The following GPNMB variants were observed in gnomAD, a reference collection of about 807,000 sequenced individuals.
GPNMB encodes the protein glycoprotein nmb.
In GPNMB, 71 loss-of-function variants were observed where a neutral mutation model predicts 57.3. The observed-to-expected ratio is 1.24, with a 90% CI of 1.02 to 1.51. The LOEUF is 1.51. GPNMB is among the 40% of genes most tolerant of loss of function. The pLI is 0.00. For missense variants in GPNMB, 677 were observed against 691.9 expected, an observed-to-expected ratio of 0.98 and a Z score of 0.24; for synonymous variants, 253 against 263.2, an observed-to-expected ratio of 0.96 and a Z score of 0.38.
chr7:23,251,133 A>G (rs997889183), intron 1 of GPNMB, among the ~76,000 whole-genome samples: 1 of 152,224 alleles, frequency 6.6e-6, no homozygotes, highest in Admixed American at 6.5e-5. Flanking sequence ...AACAGAACCA[A>G]GGCTAGAAAA....
At chr7:23,270,291 T>C (rs576108826) in intron 9 of GPNMB, 116 bp downstream of exon 9, 5 of 658,186 alleles carry the variant, frequency 7.6e-6, no homozygotes, top group Admixed American at 5.9e-5. Context: ...AGTACAAAAT[T>C]CATTGAACTC....
chr7:23,247,848 T>C (rs1782569560), intron 1 of GPNMB: 1 of 152,188 alleles, frequency 6.6e-6, no homozygotes, highest in Non-Finnish European at 1.5e-5. Flanking sequence ...GCTGACCCGG[T>C]GTCAGCGCGC....
At chr7:23,253,968 A>T (rs1782718032) in intron 2 of GPNMB, among the ~76,000 whole-genome samples, 2 of 152,202 alleles carry the variant, frequency 1.3e-5, no homozygotes, top group South Asian at 4.1e-4. Context: ...GAGAATTCTT[A>T]ACTGGTCTGA....
rs759191333 is a variant in GPNMB, at chr7:23,254,162, A to G, written c.224-7A>G. On this transcript the variant is annotated splice_region_variant and splice_polypyrimidine_tract_variant and intron_variant, in intron 2 of 10. Coordinates refer to ENST00000258733, the MANE Select transcript of GPNMB (RefSeq NM_002510.3). ...GGATCATCGAGCCCCACTTTTTTATACCCTAGGAGGCCGTGTGCAGGCGGT... is the reference window on the plus strand; with the variant it reads ...GGATCATCGAGCCCCACTTTTTTATGCCCTAGGAGGCCGTGTGCAGGCGGT... The G allele has an allele frequency of 2.5e-6, 4 of 1,593,546 alleles. No homozygotes were observed. Among genetic ancestry groups the G allele is most frequent in the African/African-American group, 2.7e-5 (2 of 73,804 alleles).
chr7:23,260,223 C>A, intron 5 of GPNMB, 85 bp downstream of exon 5: 2 of 1,429,598 alleles, frequency 1.4e-6, no homozygotes, highest in Non-Finnish European at 9.8e-7. Context: ...GCCAAGTGTT[C>A]GGGGTTAGGT....
intron 1 of GPNMB, chr7:23,250,793 T>G (rs892708323): frequency 6.6e-6 from 1 of 152,202 alleles, no homozygotes; most frequent in Admixed American, 6.5e-5. Flanking sequence ...TCTGGAACAG[T>G]GGAAAGAACT....
At chr7:23,261,206 C>T (rs1458143205) in intron 6 of GPNMB, among the ~76,000 whole-genome samples, 2 of 152,194 alleles carry the variant, frequency 1.3e-5, no homozygotes, top group African/African-American at 4.8e-5. Flanking sequence ...CACACCTACC[C>T]AGTGTCCATG....
At chr7:23,267,070 C>G (rs904738648) in intron 7 of GPNMB, among the ~76,000 whole-genome samples, 1 of 152,234 alleles carries the variant, frequency 6.6e-6, no homozygotes, top group African/African-American at 2.4e-5. Context: ...ACAGAGAAGA[C>G]AGAGGGGAAC....
Position 23,274,088 on chromosome 7 carries a change from T to C in GPNMB, c.1547T>C (p.Ile516Thr), listed in dbSNP as rs893987705. 1.9e-6 allele frequency: 3 copies of C among 1,612,208 alleles called. No individual in the cohort carries two copies. Among genetic ancestry groups the C allele is most frequent in the Middle Eastern group, 1.7e-4 (1 of 6,058 alleles). Residue 516 changes from isoleucine to threonine, a missense_variant, in exon 11 of 11, where the codon ATA (isoleucine) becomes ACA (threonine). By Grantham distance (89) the Ile-to-Thr change is moderately conservative. Transcript: ENST00000258733. ...VYKKHKEYNP[I>T]ENSPGNVVRS... ...AGAAAACACAAGGAATACAACCCAA[T>C]AGAAAATAGTCCTGGGAATGTGGTC...
intron 7 of GPNMB, among the ~76,000 whole-genome samples, chr7:23,266,884 T>G (rs1783077530): frequency 6.6e-6 from 1 of 152,234 alleles, no homozygotes; most frequent in South Asian, 2.1e-4. Flanking sequence ...ATCCCGCCTC[T>G]GCAGCCCAGC....
At position 23,264,296 on chromosome 7, in the gene GPNMB, T is replaced by C. The variant is rs140651898; in HGVS notation, c.1019-2221T>C. On this transcript the variant is annotated intron_variant, in intron 6 of 10. Coordinates refer to ENST00000258733, the MANE Select transcript of GPNMB (RefSeq NM_002510.3). ...TCATCTGTCTTTTAAGGTGTGCGTTTCTCTCCATTAGCCCTTGAATCATAC... is the reference window on the plus strand; with the variant it reads ...TCATCTGTCTTTTAAGGTGTGCGTTCCTCTCCATTAGCCCTTGAATCATAC... Among the ~76,000 whole-genome samples the C allele has an allele frequency of 5.4e-3, 827 of 152,270 alleles. 7 individuals carry two copies. The highest frequency in any genetic ancestry group is 0.018 in the African/African-American group (759 of 41,556).
chr7:23,269,720 C>CT (rs910488380), intron 8 of GPNMB, among the ~76,000 whole-genome samples: 4 of 151,960 alleles, frequency 2.6e-5, no homozygotes, highest in Non-Finnish European at 4.4e-5. Context: ...TGGGGGAGAT[C>CT]TTTTTTTTCT....
chr7:23,266,673 C>T (rs1356378611), intron 7 of GPNMB, 58 bp downstream of exon 7: 4 of 1,520,556 alleles, frequency 2.6e-6, no homozygotes, highest in Non-Finnish European at 3.6e-6. Context: ...TAGGGTCACC[C>T]ACTCTCTCTG....
At chr7:23,270,774 G>A (rs1246111720) in intron 9 of GPNMB, among the ~76,000 whole-genome samples, 3 of 152,078 alleles carry the variant, frequency 2.0e-5, no homozygotes, top group Non-Finnish European at 4.4e-5. Context: ...TGCTTGGAAA[G>A]GTACAATGTT....
rs192684011 is a variant in GPNMB at position 23,271,078 on chromosome 7, G to A, written c.1429+903G>A. 6.7e-4 allele frequency among the ~76,000 whole-genome samples: 102 copies of A among 152,296 alleles called. 1 individual carries two copies. The East Asian group carries it at 0.018, about 26-fold the overall frequency. On this transcript the variant is annotated intron_variant, in intron 9 of 10. Coordinates refer to ENST00000258733, the MANE Select transcript of GPNMB (RefSeq NM_002510.3). ...AACGGGGATGGTGGGGGATGGTTTCGGGATGAAACTGTTCTACCTCAGATC... is the reference window on the plus strand; with the variant it reads ...AACGGGGATGGTGGGGGATGGTTTCAGGATGAAACTGTTCTACCTCAGATC...
At chr7:23,261,847 C>G (rs1178705196) in intron 6 of GPNMB, among the ~76,000 whole-genome samples, 2 of 151,992 alleles carry the variant, frequency 1.3e-5, no homozygotes, top group Non-Finnish European at 2.9e-5. Flanking sequence ...TAATTCAATA[C>G]CACCCTATAT....
chr7:23,272,736 C>G (rs1420327427), intron 9 of GPNMB, among the ~76,000 whole-genome samples: 2 of 152,162 alleles, frequency 1.3e-5, no homozygotes, highest in African/African-American at 4.8e-5. Context: ...ATGCTCAGCA[C>G]AGTTCTAGGC....
intron 7 of GPNMB, among the ~76,000 whole-genome samples, chr7:23,267,205 A>G (rs1255067948): frequency 6.6e-6 from 1 of 152,232 alleles, no homozygotes. Flanking sequence ...GCGTCTACCC[A>G]GGATTACCTT....
At position 23,246,818 on chromosome 7, in the gene GPNMB, A is replaced by G; in HGVS notation, c.-40A>G. On this transcript the variant is annotated 5_prime_UTR_variant, in exon 1 of 11. Coordinates refer to ENST00000258733, the MANE Select transcript of GPNMB (RefSeq NM_002510.3). ...TTGGTGGACGGGCCCAGAGGAATTC[A>G]GAGTTAAACCTTGAGTGCCTGCGTC... 1 of 1,461,548 alleles carries G rather than the reference A, an allele frequency of 6.8e-7. No homozygotes were observed. 90.5% of individuals were successfully genotyped at this position (1,461,548 alleles called of 1,614,324 possible).
Sources: gnomAD v4.1 joint callset for allele counts (sites outside exome capture counted in the v4.1 genomes callset) on GRCh38, gnomAD v4.1.1 for gene constraint, MANE v1.5 for transcripts, NCBI Gene and HGNC (gene_info 2026-07-23, HGNC 2026-07-21) for gene names.